Variants in DAB2IP observed in about 807,000 individuals in gnomAD.
DAB2IP encodes DAB2 interacting protein, also known as disabled homolog 2-interacting protein.
A neutral mutation model predicts 107.2 loss-of-function variants in DAB2IP; 28 were observed. The observed-to-expected ratio is 0.26, with a 90% CI of 0.19 to 0.36. The LOEUF (loss-of-function observed/expected upper bound fraction) is 0.36, where lower values mean the gene tolerates loss of function less well. Among genes scored for constraint, DAB2IP ranks in the 10% least tolerant of loss-of-function variants. The probability of loss-of-function intolerance (pLI) is 1.00; values close to 1 mark genes in which losing one functional copy is unlikely to be tolerated. For synonymous variants in DAB2IP, 755 were observed against 706.4 expected (o/e 1.07, Z -1.09); for missense variants, 1,400 against 1,644.7 (o/e 0.85, Z 2.57).
chr9:121,674,084 CCT>C (rs1480277741), intron 1 of DAB2IP, among the ~76,000 whole-genome samples: 7 of 152,300 alleles, frequency 4.6e-5, no homozygotes, highest in African/African-American at 1.7e-4. Flanking sequence ...GGGCTGCTTC[CCT>C]GAGGCCCCAT....
chr9:121,678,854 AC>A, intron 2 of DAB2IP, 73 bp downstream of exon 2: 3 of 1,346,614 alleles, frequency 2.2e-6, no homozygotes, highest in African/African-American at 1.5e-5. Context: ...CTGCTCTGTG[AC>A]CCCACGGCCC....
chr9:121,617,721 C>A (rs1831327341), intron 1 of DAB2IP, among the ~76,000 whole-genome samples: 1 of 152,188 alleles, frequency 6.6e-6, no homozygotes, highest in African/African-American at 2.4e-5. Context: ...AAATCGAGGC[C>A]CAGGGTGATT....
chr9:121,673,911 T>G (rs1398018576), intron 1 of DAB2IP, among the ~76,000 whole-genome samples: 2 of 152,194 alleles, frequency 1.3e-5, no homozygotes, highest in African/African-American at 4.8e-5. Context: ...TCCCAGGCAG[T>G]TGAGCTCCCA....
At chr9:121,780,822 G>A (rs1835565199) in intron 14 of DAB2IP, among the ~76,000 whole-genome samples, 1 of 152,178 alleles carries the variant, frequency 6.6e-6, no homozygotes, top group African/African-American at 2.4e-5. Flanking sequence ...ATGTCCCCCA[G>A]CTACTGCTCA....
chr9:121,718,733 G>T (rs527595177), intron 3 of DAB2IP, among the ~76,000 whole-genome samples: 10 of 152,358 alleles, frequency 6.6e-5, no homozygotes, highest in South Asian at 4.1e-4. Context: ...AAGAGCAAGC[G>T]CAGGAGATGA....
intron 3 of DAB2IP, among the ~76,000 whole-genome samples, chr9:121,709,487 T>C (rs148579700): frequency 1.8e-3 from 271 of 152,312 alleles, no homozygotes; most frequent in East Asian, 4.1e-3. Context: ...ATACGTGCTA[T>C]TACTGTCCCC....
rs116472155 is a variant in DAB2IP, at chr9:121,594,008, T to A, written c.40+26780T>A. Among the ~76,000 whole-genome samples, 566 of 152,004 alleles carry A rather than the reference T, an allele frequency of 3.7e-3. 3 individuals carry two copies. Among genetic ancestry groups the A allele is most frequent in the African/African-American group, 0.013 (543 of 41,444 alleles). The stretch of plus-strand genomic sequence containing the variant: ...TAACCTGATCAAGTTCTTTCCATCC[T>A]CCCCTGTAAACAACTTCCTCTTGAC... On this transcript the variant is annotated intron_variant, in intron 1 of 16. Coordinates refer to the DAB2IP transcript ENST00000259371.
intron 1 of DAB2IP, among the ~76,000 whole-genome samples, chr9:121,615,993 A>C (rs919150949): frequency 6.6e-6 from 1 of 152,112 alleles, no homozygotes; most frequent in Non-Finnish European, 1.5e-5. Context: ...TTAACTGCTA[A>C]TCTTGTGTCC....
intron 3 of DAB2IP, among the ~76,000 whole-genome samples, chr9:121,714,765 C>T (rs1356757418): frequency 2.0e-5 from 3 of 152,170 alleles, no homozygotes; most frequent in Non-Finnish European, 4.4e-5. Context: ...AGGCATGTGT[C>T]CTGAAGGCAG....
At chr9:121,773,587 A>C in intron 12 of DAB2IP, 92 bp downstream of exon 12, 3 of 1,299,448 alleles carry the variant, frequency 2.3e-6, no homozygotes, top group South Asian at 5.5e-5. Flanking sequence ...CGGTCATTTC[A>C]CCTCCACCCT....
chr9:121,746,048 A>T (rs1374658412), intron 3 of DAB2IP, among the ~76,000 whole-genome samples: 1 of 152,132 alleles, frequency 6.6e-6, no homozygotes, highest in East Asian at 1.9e-4. Flanking sequence ...GTCTGGGGTC[A>T]GTTGGCAGAG....
intron 3 of DAB2IP, among the ~76,000 whole-genome samples, chr9:121,741,324 C>G (rs929666842): frequency 6.6e-6 from 1 of 152,126 alleles, no homozygotes; most frequent in Admixed American, 6.5e-5. Flanking sequence ...TGAGCTCAGC[C>G]GGATCACATG....
At chr9:121,754,234 C>G (rs1293221011) in intron 3 of DAB2IP, among the ~76,000 whole-genome samples, 1 of 152,242 alleles carries the variant, frequency 6.6e-6, no homozygotes, top group Non-Finnish European at 1.5e-5. Context: ...GACCAGCTCC[C>G]TCTGGGCCCA....
intron 1 of DAB2IP, among the ~76,000 whole-genome samples, chr9:121,637,352 A>T (rs2119027256): frequency 6.6e-6 from 1 of 152,316 alleles, no homozygotes; most frequent in Non-Finnish European, 1.5e-5. Context: ...GGGCTGGGGC[A>T]ACCTCCCTAT....
chr9:121,714,430 A>G (rs1830487324), intron 3 of DAB2IP, among the ~76,000 whole-genome samples: 1 of 152,226 alleles, frequency 6.6e-6, no homozygotes, highest in African/African-American at 2.4e-5. Flanking sequence ...GAGCCATGCA[A>G]GGCCGAGTCC....
chr9:121,739,913 G>A (rs1421079198), intron 3 of DAB2IP, among the ~76,000 whole-genome samples: 1 of 152,158 alleles, frequency 6.6e-6, no homozygotes, highest in East Asian at 1.9e-4. Context: ...GAGGTGAGGT[G>A]CTAGCAGCCT....
Position 121,701,497 on chromosome 9 carries a change from A to G in DAB2IP, c.362+2039A>G, listed in dbSNP as rs1216489676. Among the ~76,000 whole-genome samples the G allele has an allele frequency of 6.6e-6, 1 of 152,168 alleles. No homozygotes were observed. Among genetic ancestry groups the G allele is most frequent in the Non-Finnish European group, 1.5e-5 (1 of 68,034 alleles). ...GAATTGTCTTATTAATTTTCTATAA[A>G]CAAAATATGGCTTGGTGGCCTCTCT... is the stretch of plus-strand genomic sequence containing the variant. On this transcript the variant is annotated intron_variant, in intron 3 of 15. Coordinates refer to ENST00000408936, the Ensembl canonical transcript of DAB2IP. The surrounding 1 kb of genome is among the most constrained non-coding windows in gnomAD (Gnocchi z 4.7).
Position 121,699,434 on chromosome 9 carries a change from C to G in DAB2IP, c.338C>G (p.Ala113Gly). The G allele has an allele frequency of 1.4e-6, 2 of 1,446,282 alleles. No individual in the cohort carries two copies. The highest frequency in any genetic ancestry group is 1.8e-6 in the Non-Finnish European group (2 of 1,087,836). The allele number at this position is 1,446,282 out of a possible 1,614,324, so 89.6% of individuals were successfully genotyped here. The change falls in exon 3 of 16, where the codon GCC (alanine) becomes GGC (glycine). Residue 113 changes from alanine to glycine, a missense_variant. Transcript: ENST00000408936. This position sits in a 1 kb window ranked among gnomAD's most constrained non-coding sequence, Gnocchi z 6.2. ...ATCCTGCCGGGGTTCCGGAGCGCCG[C>G]CGCCGCCGCCGCGGACAATGAGAGG...
At chr9:121,695,642 G>A (rs1287917573) in intron 2 of DAB2IP, among the ~76,000 whole-genome samples, 1 of 152,186 alleles carries the variant, frequency 6.6e-6, no homozygotes, top group Admixed American at 6.5e-5. Flanking sequence ...GATACAGCCA[G>A]GCCTTAGTGG....
Sources: allele counts gnomAD v4.1 joint callset (sites outside exome capture counted in the v4.1 genomes callset), GRCh38; gene constraint gnomAD v4.1.1; non-coding constraint Gnocchi (gnomAD v3.1); transcripts MANE v1.5; gene names NCBI Gene and HGNC (gene_info 2026-07-23, HGNC 2026-07-21).